Variants in TOX observed in about 807,000 individuals in gnomAD.
TOX encodes thymocyte selection-associated high mobility group box protein TOX.
In TOX, 11 loss-of-function variants were observed where a neutral mutation model predicts 53.7. The ratio of observed to expected loss-of-function variants is 0.20; its 90% CI spans 0.13 to 0.34. The LOEUF (loss-of-function observed/expected upper bound fraction) is 0.34, where lower values mean the gene tolerates loss of function less well. Among genes scored for constraint, TOX ranks in the 10% least tolerant of loss-of-function variants. TOX has a pLI of 1.00. For synonymous variants in TOX, 225 were observed against 245.3 expected, an observed-to-expected ratio of 0.92 and a Z score of 0.77; for missense variants, 570 against 664.6, an observed-to-expected ratio of 0.86 and a Z score of 1.56.
At chr8:59,063,548 C>T (rs1455874891) in intron 1 of TOX, among the ~76,000 whole-genome samples, 3 of 151,538 alleles carry the variant, frequency 2.0e-5, no homozygotes, top group Admixed American at 6.6e-5. Flanking sequence ...CTCAGCCTCC[C>T]GAGTAGCTGG....
chr8:58,908,472 C>A (rs1280105357), intron 3 of TOX, among the ~76,000 whole-genome samples: 1 of 152,144 alleles, frequency 6.6e-6, no homozygotes, highest in Non-Finnish European at 1.5e-5. Context: ...GAAAGCTGGC[C>A]CTTCATGTTT....
At chr8:59,049,806 G>A (rs1198612742) in intron 1 of TOX, among the ~76,000 whole-genome samples, 1 of 152,122 alleles carries the variant, frequency 6.6e-6, no homozygotes, top group East Asian at 1.9e-4. Flanking sequence ...GTGCTTTATA[G>A]TTTCCCAAAA....
At chr8:58,929,915 T>C (rs1812232986) in intron 3 of TOX, among the ~76,000 whole-genome samples, 2 of 152,152 alleles carry the variant, frequency 1.3e-5, no homozygotes. Flanking sequence ...TCTATAAAAA[T>C]AGCCATACTC....
intron 3 of TOX, among the ~76,000 whole-genome samples, chr8:58,905,349 A>G (rs560717051): frequency 3.3e-5 from 5 of 152,200 alleles, no homozygotes; most frequent in African/African-American, 1.2e-4. Context: ...TTTCCTAAAT[A>G]TTTTCTCCTT....
intron 7 of TOX, chr8:58,814,449 A>T (rs897992482): frequency 6.6e-6 from 1 of 152,228 alleles, no homozygotes; most frequent in Non-Finnish European, 1.5e-5. Flanking sequence ...AGTGTCAATT[A>T]TACTGCAAGT....
At chr8:58,955,144 T>G (rs1318154021) in intron 2 of TOX, among the ~76,000 whole-genome samples, 1 of 152,246 alleles carries the variant, frequency 6.6e-6, no homozygotes, top group Non-Finnish European at 1.5e-5. Flanking sequence ...TGCTATATTT[T>G]ATCATTCTTA....
At chr8:59,010,659 T>C (rs1304187730) in intron 1 of TOX, among the ~76,000 whole-genome samples, 1 of 152,218 alleles carries the variant, frequency 6.6e-6, no homozygotes, top group African/African-American at 2.4e-5. Flanking sequence ...AAAACTGGGA[T>C]AATAATACCT....
intron 1 of TOX, among the ~76,000 whole-genome samples, chr8:59,077,777 T>C (rs1804317629): frequency 6.6e-6 from 1 of 152,198 alleles, no homozygotes; most frequent in East Asian, 1.9e-4. Context: ...AGGGCTATGA[T>C]GTAGAAAATG....
intron 2 of TOX, among the ~76,000 whole-genome samples, chr8:58,943,667 G>A (rs940195438): frequency 1.3e-5 from 2 of 149,016 alleles, no homozygotes; most frequent in East Asian, 4.0e-4. Context: ...TGAATCACAT[G>A]TCCTTGGAAG....
Position 59,119,146 on chromosome 8 carries a change from A to AT in TOX, c.-160_-159insA. 2.4e-6 allele frequency: 1 copy of AT among 420,208 alleles called. No individual in the cohort carries two copies. The highest frequency in any genetic ancestry group is 4.1e-6 in the Non-Finnish European group (1 of 242,554). 26.0% of individuals were successfully genotyped at this position (420,208 alleles called of 1,614,324 possible). A position where few individuals can be genotyped will look rare whatever the true frequency, so the allele number is the denominator to read the frequency against. On this transcript the variant is annotated 5_prime_UTR_variant, in exon 1 of 9. Transcript: ENST00000361421. ...CGTTTGTGGTTTGTTTAAGAAGAAG[A>AT]GGAAAAAAAAAAAAAAGAGGGGGGA... is the stretch of plus-strand genomic sequence containing the variant.
intron 1 of TOX, among the ~76,000 whole-genome samples, chr8:59,072,278 A>T (rs1291420806): frequency 4.6e-5 from 7 of 152,238 alleles, no homozygotes; most frequent in Non-Finnish European, 5.9e-5. Context: ...TTCCTTGACC[A>T]TCAAGGCATT....
intron 2 of TOX, among the ~76,000 whole-genome samples, chr8:58,951,257 G>A (rs1199693982): frequency 2.0e-5 from 3 of 152,090 alleles, no homozygotes; most frequent in Admixed American, 1.3e-4. Context: ...CTGAATTGTT[G>A]TAAGGATCAA....
At chr8:58,920,431 A>G (rs1812046238) in intron 3 of TOX, among the ~76,000 whole-genome samples, 1 of 63,142 alleles carries the variant, frequency 1.6e-5, no homozygotes. Flanking sequence ...ATTGGAAACC[A>G]TCATTCTCAG....
At chr8:58,827,419 G>A (rs1244206245) in intron 5 of TOX, among the ~76,000 whole-genome samples, 1 of 152,166 alleles carries the variant, frequency 6.6e-6, no homozygotes, top group African/African-American at 2.4e-5. Flanking sequence ...AAGATTTGGA[G>A]CCTTGAAGTT....
At chr8:58,895,977 T>C (rs1445718618) in intron 3 of TOX, among the ~76,000 whole-genome samples, 1 of 152,184 alleles carries the variant, frequency 6.6e-6, no homozygotes, top group East Asian at 1.9e-4. Flanking sequence ...GAGGGATTTG[T>C]TTCACATCTA....
At chr8:58,944,853 C>A (rs1338596275) in intron 2 of TOX, among the ~76,000 whole-genome samples, 3 of 152,128 alleles carry the variant, frequency 2.0e-5, no homozygotes, top group African/African-American at 7.2e-5. Flanking sequence ...CCATTCTCCA[C>A]AATGTCATTA....
intron 1 of TOX, chr8:58,992,722 C>A (rs914226568): frequency 6.6e-6 from 1 of 152,098 alleles, no homozygotes; most frequent in African/African-American, 2.4e-5. Flanking sequence ...TTAAGCATTG[C>A]CTAACTTTTT....
At chr8:59,035,817 A>T (rs1814447792) in intron 1 of TOX, among the ~76,000 whole-genome samples, 1 of 152,274 alleles carries the variant, frequency 6.6e-6, no homozygotes, top group South Asian at 2.1e-4. Flanking sequence ...GCAAAGAAGG[A>T]CAATGACAGC....
chr8:58,936,877 G>A (rs1288012191), intron 3 of TOX, among the ~76,000 whole-genome samples: 4 of 152,204 alleles, frequency 2.6e-5, no homozygotes, highest in East Asian at 3.9e-4. Flanking sequence ...GGGTGAATGC[G>A]GCTACTTAAC....
Sources: gnomAD v4.1 joint callset for allele counts (sites outside exome capture counted in the v4.1 genomes callset) on GRCh38, gnomAD v4.1.1 for gene constraint, MANE v1.5 for transcripts, NCBI Gene and HGNC (gene_info 2026-07-23, HGNC 2026-07-21) for gene names.